Variants in SPATA6 observed in about 807,000 individuals in gnomAD.
SPATA6 encodes the protein spermatogenesis-associated protein 6.
Under a neutral mutation model 65.3 loss-of-function variants are expected in SPATA6, and 56 were observed. That is an observed-to-expected ratio of 0.86 (90% CI 0.69 to 1.07). The LOEUF is 1.07. SPATA6 is among the 50% of genes least tolerant of loss of function. The pLI is 0.00. For synonymous variants in SPATA6, 199 were observed against 213.2 expected (o/e 0.93, Z 0.58); for missense variants, 590 against 594.8 (o/e 0.99, Z 0.08).
intron 11 of SPATA6, among the ~76,000 whole-genome samples, chr1:48,340,349 T>C (rs962819815): frequency 7.5e-6 from 1 of 133,578 alleles, no homozygotes; most frequent in African/African-American, 3.0e-5. Context: ...CCAAAAAAGA[T>C]AAGTAAGTAA....
chr1:48,451,640 A>ATT, intron 2 of SPATA6, 40 bp from the exon 3 acceptor site: 1 of 1,573,460 alleles, frequency 6.4e-7, no homozygotes, highest in East Asian at 2.3e-5. Context: ...GAAGGAAGAT[A>ATT]TATATTTTTT....
intron 11 of SPATA6, among the ~76,000 whole-genome samples, chr1:48,339,905 A>G (rs903142053): frequency 6.6e-5 from 10 of 152,072 alleles, no homozygotes; most frequent in Admixed American, 1.3e-4. Flanking sequence ...CAGATTCAAG[A>G]TGCTCTGAAT....
intron 10 of SPATA6, 43 bp downstream of exon 10, chr1:48,359,543 T>C (rs374259566): frequency 2.6e-6 from 4 of 1,562,554 alleles, no homozygotes; most frequent in Non-Finnish European, 3.5e-6. Context: ...CTAATACTTA[T>C]TATTCAAAGA....
the SPATA6 span, among the ~76,000 whole-genome samples, chr1:48,269,614 G>T: frequency 6.6e-6 from 1 of 151,966 alleles, no homozygotes; most frequent in Non-Finnish European, 1.5e-5. Context: ...GAAGAATGGA[G>T]GACATTTATT....
intron 3 of SPATA6, among the ~76,000 whole-genome samples, chr1:48,416,398 A>G (rs1652789420): frequency 6.6e-6 from 1 of 152,192 alleles, no homozygotes; most frequent in Non-Finnish European, 1.5e-5. Context: ...TGATGTATGA[A>G]AAAATCAAAT....
intron 6 of SPATA6, among the ~76,000 whole-genome samples, chr1:48,400,041 TA>T (rs1651014736): frequency 6.6e-6 from 1 of 151,950 alleles, no homozygotes; most frequent in Non-Finnish European, 1.5e-5. Flanking sequence ...TTAGTAATGT[TA>T]AAAATACATG....
intron 10 of SPATA6, among the ~76,000 whole-genome samples, chr1:48,357,292 A>C (rs191897493): frequency 6.6e-6 from 1 of 152,290 alleles, no homozygotes; most frequent in East Asian, 1.9e-4. Context: ...ACAACTTCTG[A>C]AATATAACAC....
chr1:48,461,452 T>C (rs1247584396), intron 1 of SPATA6, among the ~76,000 whole-genome samples: 1 of 151,788 alleles, frequency 6.6e-6, no homozygotes, highest in Non-Finnish European at 1.5e-5. Context: ...GGTTTTCTTC[T>C]AGGGTTTTTA....
chr1:48,468,632 A>C (rs1657985261), intron 1 of SPATA6, among the ~76,000 whole-genome samples: 1 of 152,162 alleles, frequency 6.6e-6, no homozygotes, highest in African/African-American at 2.4e-5. Flanking sequence ...AAGTGTTCCA[A>C]ATCTTGATCT....
At chr1:48,432,626 A>G (rs1402071472) in intron 3 of SPATA6, among the ~76,000 whole-genome samples, 1 of 152,202 alleles carries the variant, frequency 6.6e-6, no homozygotes, top group African/African-American at 2.4e-5. Flanking sequence ...AACAACAGAA[A>G]ACAACAAGTG....
Position 48,428,453 on chromosome 1 carries a change from C to CTAA in SPATA6, c.239-15305_239-15303dup, listed in dbSNP as rs553047777. 2.6e-4 allele frequency among the ~76,000 whole-genome samples: 40 copies of CTAA among 152,050 alleles called. No homozygotes were observed. In the South Asian group the frequency reaches 3.9e-3, roughly 15 times the overall value. On this transcript the variant is annotated intron_variant, in intron 3 of 12. Transcript: ENST00000371847. ...GGGCAACAAGAGCGAAACTCCGTCTCTAATAATAATAATAACATAAAAACA... is the reference window on the plus strand; with the variant it reads ...GGGCAACAAGAGCGAAACTCCGTCTCTAATAATAATAATAATAACATAAAAACA...
intron 10 of SPATA6, 25 bp from the exon 11 acceptor site, chr1:48,355,794 T>A (rs769923182): frequency 6.4e-7 from 1 of 1,573,040 alleles, no homozygotes; most frequent in South Asian, 1.1e-5. Context: ...TAAGTTTTAT[T>A]TTTGTTACTA....
intron 3 of SPATA6, among the ~76,000 whole-genome samples, chr1:48,432,277 A>T (rs991490821): frequency 2.0e-5 from 3 of 151,868 alleles, no homozygotes; most frequent in African/African-American, 7.3e-5. Context: ...AAAGCAATTT[A>T]AAAAAATACA....
chr1:48,349,818 G>A (rs916406045), intron 11 of SPATA6, among the ~76,000 whole-genome samples: 1 of 151,838 alleles, frequency 6.6e-6, no homozygotes, highest in Non-Finnish European at 1.5e-5. Context: ...TTATTGTTGA[G>A]TAGTATTCCA....
intron 11 of SPATA6, among the ~76,000 whole-genome samples, chr1:48,341,524 C>G (rs1022591314): frequency 9.9e-5 from 15 of 152,166 alleles, no homozygotes; most frequent in Non-Finnish European, 1.9e-4. Flanking sequence ...AGCTTGCATT[C>G]AAGTTACCCT....
chr1:48,451,561 G>A lies in SPATA6; in HGVS notation c.229C>T (p.Gln77Ter). 1 of 1,612,022 alleles carries A rather than the reference G, an allele frequency of 6.2e-7. No homozygotes were observed. Among genetic ancestry groups the A allele is most frequent in the Non-Finnish European group, 8.5e-7 (1 of 1,179,088 alleles). ...DAVDPGDVVT[Q>*]LEYDTAVFEL... ...AAGTTAAAAAACTTACATTCAAGCT[G>A]TGTAACCACATCTCCAGGATCTACT... The change falls in exon 3 of 13, where the codon CAG (glutamine) becomes TAG (stop). Residue 77 changes from glutamine to a stop codon, truncating the protein, a stop_gained. Coordinates refer to ENST00000371847, the MANE Select transcript of SPATA6 (RefSeq NM_019073.4). LOFTEE classifies it high-confidence loss of function.
chr1:48,472,076 C>G lies in SPATA6; in HGVS notation c.-68G>C. The stretch of plus-strand genomic sequence containing the variant: ...CCGAGTGAGGCGGGGAGACCTGGGG[C>G]TGGGCGGGGACGGGGAGGAGACGAG... On this transcript the variant is annotated 5_prime_UTR_variant, in exon 1 of 13. Coordinates refer to ENST00000371847, the MANE Select transcript of SPATA6 (RefSeq NM_019073.4). 8.6e-6 allele frequency: 7 copies of G among 812,238 alleles called. No individual in the cohort carries two copies. Among genetic ancestry groups the G allele is most frequent in the Non-Finnish European group, 8.7e-6 (5 of 577,554 alleles). 50.3% of individuals were successfully genotyped at this position (812,238 alleles called of 1,614,324 possible).
chr1:48,366,728 G>T (rs1472571797), intron 9 of SPATA6, among the ~76,000 whole-genome samples: 1 of 151,952 alleles, frequency 6.6e-6, no homozygotes, highest in East Asian at 1.9e-4. Flanking sequence ...CAATTTTGTT[G>T]ATCTTTTCAA....
rs766838489 is a variant in SPATA6, at chr1:48,373,841, C to T, written c.909+11468G>A. ...ATTAGGAGAATAGCATGGGAAAGAC[C>T]GGTCCCCATGATTCAATTACTTCCC... On this transcript the variant is annotated intron_variant, in intron 9 of 12. Coordinates refer to ENST00000371847, the MANE Select transcript of SPATA6 (RefSeq NM_019073.4). Among the ~76,000 whole-genome samples, 12 of 152,174 alleles carry T rather than the reference C, an allele frequency of 7.9e-5. 1 individual carries two copies. Among genetic ancestry groups the T allele is most frequent in the Admixed American group, 3.9e-4 (6 of 15,286 alleles).
Sources: allele counts gnomAD v4.1 joint callset (sites outside exome capture counted in the v4.1 genomes callset), GRCh38; gene constraint gnomAD v4.1.1; transcripts MANE v1.5; gene names NCBI Gene and HGNC (gene_info 2026-07-23, HGNC 2026-07-21).